Variants in UBAP2 observed in about 807,000 individuals in gnomAD.
UBAP2 encodes ubiquitin-associated protein 2.
UBAP2 carries 75 observed loss-of-function variants against 139.6 expected under a neutral mutation model. That is an observed-to-expected ratio of 0.54 (90% CI 0.45 to 0.65). The LOEUF is 0.65. Ranked by LOEUF, UBAP2 falls within the 30% of genes least tolerant of loss-of-function variation. The probability of loss-of-function intolerance (pLI) is 0.00; values close to 1 mark genes in which losing one functional copy is unlikely to be tolerated. For synonymous variants in UBAP2, 526 were observed against 526.2 expected (o/e 1.00, Z 0.01); for missense variants, 1,368 against 1,369.6 (o/e 1.00, Z 0.02).
intron 1 of UBAP2, among the ~76,000 whole-genome samples, chr9:34,038,143 GAAAAAAAAAAAAAAAA>G (rs78650365): frequency 7.9e-6 from 1 of 127,248 alleles, no homozygotes; most frequent in Non-Finnish European, 1.6e-5. Flanking sequence ...TCCAGCCTGG[GAAAAAAAAAAAAAAAA>G]AAAAAAAAAG....
intron 6 of UBAP2, among the ~76,000 whole-genome samples, chr9:33,980,733 G>C (rs921951260): frequency 2.6e-5 from 4 of 151,790 alleles, no homozygotes; most frequent in Non-Finnish European, 4.4e-5. Flanking sequence ...AGGTGGGCGG[G>C]TTGTTTGAGC....
At chr9:33,988,845 T>G (rs752147743) in intron 5 of UBAP2, 128 bp downstream of exon 5, 3 of 1,049,146 alleles carry the variant, frequency 2.9e-6, no homozygotes, top group Non-Finnish European at 2.8e-6. Context: ...GTATGGAAAC[T>G]AAGAAAAAAT....
chr9:33,981,838 G>A (rs866046752), intron 6 of UBAP2, among the ~76,000 whole-genome samples: 1 of 135,910 alleles, frequency 7.4e-6, no homozygotes. Flanking sequence ...AAGGAGGGAA[G>A]GGGGGAAAGG....
intron 21 of UBAP2, 76 bp from the exon 22 acceptor site, chr9:33,926,740 A>G (rs1823466281): frequency 9.2e-6 from 14 of 1,525,660 alleles, no homozygotes; most frequent in Non-Finnish European, 1.2e-5. Context: ...CTAGGAGTCA[A>G]AACAAGGTTG....
chr9:33,987,159 C>G (rs1821290764), intron 5 of UBAP2, among the ~76,000 whole-genome samples: 1 of 152,052 alleles, frequency 6.6e-6, no homozygotes, highest in Non-Finnish European at 1.5e-5. Flanking sequence ...ACCTATAATT[C>G]CAGCACTTTG....
chr9:33,955,943 A>G, intron 11 of UBAP2, 136 bp downstream of exon 11: 1 of 609,018 alleles, frequency 1.6e-6, no homozygotes, highest in Non-Finnish European at 2.9e-6. Context: ...TTTACCAAGT[A>G]GTGGTAAAAT....
intron 1 of UBAP2, among the ~76,000 whole-genome samples, chr9:34,045,666 C>T (rs1827517344): frequency 2.0e-5 from 3 of 152,028 alleles, no homozygotes; most frequent in Non-Finnish European, 2.9e-5. Flanking sequence ...GCCACAGTGC[C>T]CAGTCACAAA....
Position 33,923,982 on chromosome 9 carries a change from C to A in UBAP2, c.2609G>T (p.Gly870Val). 1 of 1,613,802 alleles carries A rather than the reference C, an allele frequency of 6.2e-7. No homozygotes were observed. ...TGCAGGGGATGCAGAGTCCCCACGG[C>A]CAAACTTTGTGACATCACCTAGGAA... is the stretch of plus-strand genomic sequence containing the variant. ...NPYPGDVTKF[G>V]RGDSASPAPA... Residue 870 changes from glycine to valine, a missense_variant, in exon 24 of 29, where the codon GGC (glycine) becomes GTC (valine). Transcript: ENST00000379238.
At chr9:33,958,822 T>G (rs1247741716) in intron 10 of UBAP2, among the ~76,000 whole-genome samples, 1 of 147,422 alleles carries the variant, frequency 6.8e-6, no homozygotes, top group Admixed American at 6.9e-5. Context: ...GGGGCTGGAG[T>G]GAGCTGGCCA....
chr9:33,982,672 C>A (rs1266835856), intron 6 of UBAP2, among the ~76,000 whole-genome samples: 1 of 152,114 alleles, frequency 6.6e-6, no homozygotes, highest in African/African-American at 2.4e-5. Flanking sequence ...ATACCCCCTG[C>A]AGAATTTATC....
In UBAP2 at chr9:34,017,200, G is replaced by A; in HGVS notation, c.-41-11C>T. The A allele has an allele frequency of 7.8e-7, 1 of 1,285,236 alleles. No homozygotes were observed. The highest frequency in any genetic ancestry group is 1.1e-6 in the Non-Finnish European group (1 of 934,300). 79.6% of individuals were successfully genotyped at this position (1,285,236 alleles called of 1,614,324 possible). A position where few individuals can be genotyped will look rare whatever the true frequency, so the allele number is the denominator to read the frequency against. ...TACAAAATAGAAAATCTGCAAGAAA[G>A]TAGGGATGGTAAGCAAAACAATCAT... On this transcript the variant is annotated splice_polypyrimidine_tract_variant and intron_variant, in intron 1 of 28. Transcript: ENST00000379238.
chr9:33,939,189 CTTTTTTTTTTT>C (rs72150705), intron 16 of UBAP2, among the ~76,000 whole-genome samples: 3 of 78,584 alleles, frequency 3.8e-5, no homozygotes, highest in African/African-American at 5.0e-5. Context: ...TTTCCTATGT[CTTTTTTTTTTT>C]TTTTTTTTTT....
At chr9:34,039,078 G>A (rs886449176) in intron 1 of UBAP2, among the ~76,000 whole-genome samples, 14 of 146,366 alleles carry the variant, frequency 9.6e-5, no homozygotes, top group Non-Finnish European at 1.7e-4. Context: ...GAGCCCCTCC[G>A]CCCGGCAGCC....
Position 33,971,094 on chromosome 9 carries a change from C to T in UBAP2, c.679+557G>A, listed in dbSNP as rs557352470. Among the ~76,000 whole-genome samples the T allele has an allele frequency of 2.0e-4, 30 of 152,206 alleles. No individual in the cohort carries two copies. In the East Asian group the frequency reaches 3.1e-3, roughly 16 times the overall value. ...CTGGGATTACAGGTGTGAGCCACCG[C>T]GCCCAGCTAAATTATGTTTCTATAA... On this transcript the variant is annotated intron_variant, in intron 8 of 28. Transcript: ENST00000379238.
chr9:33,935,165 G>GGA (rs1554680832), intron 17 of UBAP2, among the ~76,000 whole-genome samples: 2 of 34,946 alleles, frequency 5.7e-5, no homozygotes, highest in African/African-American at 1.8e-4. Context: ...GGAAGTGGCG[G>GGA]GGGGGGGGGG....
At chr9:33,960,743 G>A in intron 10 of UBAP2, 83 bp downstream of exon 10, 1 of 1,385,010 alleles carries the variant, frequency 7.2e-7, no homozygotes, top group Non-Finnish European at 1.0e-6. Context: ...TCACGCCATT[G>A]CATTCCAGCC....
rs545929794 is a variant in UBAP2, at chr9:34,022,472, T to C, written c.-41-5283A>G. Among the ~76,000 whole-genome samples, 92 of 149,760 alleles carry C rather than the reference T, an allele frequency of 6.1e-4. 1 individual carries two copies. The East Asian group carries it at 0.016, about 26-fold the overall frequency. ...TTTTTTTTTAAGACACAGTCTGGCT[T>C]TGTTGCCCAGGCTGGAGTGCAGTGG... On this transcript the variant is annotated intron_variant, in intron 1 of 28. Coordinates refer to ENST00000379238, the MANE Select transcript of UBAP2 (RefSeq NM_001370062.2).
chr9:33,985,423 G>A (rs1469339684), intron 6 of UBAP2, among the ~76,000 whole-genome samples: 2 of 152,078 alleles, frequency 1.3e-5, no homozygotes, highest in Non-Finnish European at 2.9e-5. Context: ...CAACCTAAGT[G>A]TTCATCAACA....
intron 2 of UBAP2, among the ~76,000 whole-genome samples, chr9:34,013,102 G>A (rs867122741): frequency 1.0e-4 from 14 of 136,858 alleles, no homozygotes; most frequent in Non-Finnish European, 1.2e-4. Context: ...GCCGTTAGCC[G>A]AGATCAAGCC....
Sources: gnomAD v4.1 joint callset for allele counts (sites outside exome capture counted in the v4.1 genomes callset) on GRCh38, gnomAD v4.1.1 for gene constraint, MANE v1.5 for transcripts, NCBI Gene and HGNC (gene_info 2026-07-23, HGNC 2026-07-21) for gene names.